Variants in KMT2C observed in about 807,000 individuals in gnomAD.
KMT2C encodes the protein histone-lysine N-methyltransferase 2C.
In KMT2C, 88 loss-of-function variants were observed where a neutral mutation model predicts 507.9. The ratio of observed to expected loss-of-function variants is 0.17; its 90% CI spans 0.15 to 0.21. KMT2C has a LOEUF of 0.21. Ranked by LOEUF, KMT2C falls within the 10% of genes least tolerant of loss-of-function variation. KMT2C has a pLI of 1.00. For synonymous variants in KMT2C, 2,049 were observed against 2,080.8 expected (o/e 0.98, Z 0.42); for missense variants, 4,954 against 5,957.8 (o/e 0.83, Z 5.55).
At chr7:152,342,138 C>T (rs2097000817) in intron 2 of KMT2C, among the ~76,000 whole-genome samples, 1 of 152,066 alleles carries the variant, frequency 6.6e-6, no homozygotes, top group Non-Finnish European at 1.5e-5. Context: ...AAAACCACCA[C>T]TAAATAAGAA....
intron 14 of KMT2C, among the ~76,000 whole-genome samples, chr7:152,239,327 G>A (rs1421361884): frequency 5.9e-5 from 9 of 152,032 alleles, no homozygotes; most frequent in Middle Eastern, 3.2e-3. Context: ...ATAAGCAATC[G>A]ATAAATGCAT....
chr7:152,328,583 A>T (rs1173293783), intron 3 of KMT2C, among the ~76,000 whole-genome samples: 2 of 152,210 alleles, frequency 1.3e-5, no homozygotes, highest in Non-Finnish European at 2.9e-5. Context: ...TATAATAGTC[A>T]TGAAAGAGAG....
chr7:152,232,609 A>G (rs2095154011), intron 16 of KMT2C, among the ~76,000 whole-genome samples: 1 of 152,154 alleles, frequency 6.6e-6, no homozygotes, highest in African/African-American at 2.4e-5. Flanking sequence ...AATAAGAAGG[A>G]CTGAGGAGTT....
intron 23 of KMT2C, among the ~76,000 whole-genome samples, chr7:152,210,339 ACTT>A (rs2129140173): frequency 6.6e-6 from 1 of 152,250 alleles, no homozygotes; most frequent in South Asian, 2.1e-4. Flanking sequence ...CTAATCAACT[ACTT>A]AATTCCTTTT....
chr7:152,297,047 A>AAGACAGAC (rs1563766857), intron 6 of KMT2C, among the ~76,000 whole-genome samples: 2 of 68,930 alleles, frequency 2.9e-5, no homozygotes, highest in African/African-American at 1.1e-4. Context: ...GAAAGAAAGA[A>AAGACAGAC]AGAAAGACAG....
chr7:152,286,965 G>T (rs1283045768), intron 6 of KMT2C, among the ~76,000 whole-genome samples: 2 of 152,116 alleles, frequency 1.3e-5, no homozygotes, highest in Non-Finnish European at 1.5e-5. Flanking sequence ...AAGCCAAATG[G>T]TACAAATAAA....
intron 50 of KMT2C, 78 bp downstream of exon 50, chr7:152,151,364 C>G: frequency 6.8e-7 from 1 of 1,462,578 alleles, no homozygotes; most frequent in Non-Finnish European, 9.4e-7. Context: ...GTGTCTCTCT[C>G]TGATGTTGGA....
intron 23 of KMT2C, among the ~76,000 whole-genome samples, chr7:152,209,435 C>T (rs1185412227): frequency 7.7e-6 from 1 of 129,690 alleles, no homozygotes; most frequent in Non-Finnish European, 1.5e-5. Context: ...CCACCCTGGG[C>T]GACAGCGGGA....
intron 1 of KMT2C, among the ~76,000 whole-genome samples, chr7:152,393,601 C>T (rs1266414041): frequency 6.6e-6 from 1 of 152,002 alleles, no homozygotes; most frequent in Admixed American, 6.5e-5. Context: ...ATACCAATCA[C>T]GGCTGATGGG....
intron 23 of KMT2C, among the ~76,000 whole-genome samples, chr7:152,210,518 A>G (rs1588232494): frequency 6.6e-6 from 1 of 152,152 alleles, no homozygotes; most frequent in South Asian, 2.1e-4. Context: ...CTTTCATAAA[A>G]CATTATGAGA....
At chr7:152,243,296 T>C (rs939351906) in intron 14 of KMT2C, among the ~76,000 whole-genome samples, 4 of 152,224 alleles carry the variant, frequency 2.6e-5, no homozygotes, top group African/African-American at 9.6e-5. Context: ...GAAAGTCTGG[T>C]ACTTCTAATC....
intron 23 of KMT2C, chr7:152,220,106 T>C (rs2094719214): frequency 1.1e-5 from 2 of 176,254 alleles, no homozygotes; most frequent in South Asian, 2.8e-4. Flanking sequence ...CTGGTGAATA[T>C]GAAGTTATAC....
chr7:152,316,887 A>G (rs976801197), intron 3 of KMT2C, among the ~76,000 whole-genome samples: 5 of 152,024 alleles, frequency 3.3e-5, no homozygotes, highest in African/African-American at 1.2e-4. Flanking sequence ...AAAAGAGACC[A>G]CCACCTTATG....
chr7:152,171,734 T>C (rs2092970922), intron 39 of KMT2C, among the ~76,000 whole-genome samples: 1 of 152,232 alleles, frequency 6.6e-6, no homozygotes. Context: ...TGATTTAGTT[T>C]TATAACGAAC....
At chr7:152,211,996 C>T (rs567916838) in intron 23 of KMT2C, among the ~76,000 whole-genome samples, 79 of 152,080 alleles carry the variant, frequency 5.2e-4, no homozygotes, top group African/African-American at 1.8e-3. Flanking sequence ...TGCAGTGAGC[C>T]GAGATTGCGC....
At chr7:152,173,702 T>A (rs185077392) in intron 39 of KMT2C, among the ~76,000 whole-genome samples, 1 of 152,346 alleles carries the variant, frequency 6.6e-6, no homozygotes, top group Admixed American at 6.5e-5. Flanking sequence ...CTTGTAACTT[T>A]CTTTTTCTGA....
intron 4 of KMT2C, among the ~76,000 whole-genome samples, chr7:152,313,258 G>C (rs1361820959): frequency 6.6e-6 from 1 of 151,674 alleles, no homozygotes; most frequent in Non-Finnish European, 1.5e-5. Context: ...AAGACCAACA[G>C]TTCATCTATA....
In KMT2C at chr7:152,178,015, T is replaced by TTAAAAAAAAAAAAAAAAA. The variant is rs1491309235; in HGVS notation, c.7443-6_7443-5insTTTTTTTTTTTTTTTTTA. 2.0e-5 allele frequency: 16 copies of TTAAAAAAAAAAAAAAAAA among 811,044 alleles called. No homozygotes were observed. In the African/African-American group the frequency reaches 2.2e-4, roughly 11 times the overall value. The allele number at this position is 811,044 out of a possible 1,614,324, so 50.2% of individuals were successfully genotyped here. A position where few individuals can be genotyped will look rare whatever the true frequency, so the allele number is the denominator to read the frequency against. ...CTACCTCCTGGAAATCCAAATCTTT[T>TTAAAAAAAAAAAAAAAAA]AAAAAAAAAAAAAAAAAAAAAAAAA... On this transcript the variant is annotated splice_polypyrimidine_tract_variant and splice_region_variant and intron_variant, in intron 37 of 58. Coordinates refer to ENST00000262189, the MANE Select transcript of KMT2C (RefSeq NM_170606.3).
chr7:152,240,835 C>T (rs540658436), intron 14 of KMT2C, among the ~76,000 whole-genome samples: 5 of 152,296 alleles, frequency 3.3e-5, no homozygotes, highest in African/African-American at 1.2e-4. Flanking sequence ...TCAGTCGTGG[C>T]CACCACCATC....
Sources: gnomAD v4.1 joint callset for allele counts (sites outside exome capture counted in the v4.1 genomes callset) on GRCh38, gnomAD v4.1.1 for gene constraint, MANE v1.5 for transcripts, NCBI Gene and HGNC (gene_info 2026-07-23, HGNC 2026-07-21) for gene names.